The following ABR variants were observed in gnomAD, a reference collection of about 807,000 sequenced individuals.
ABR encodes the protein active breakpoint cluster region-related protein.
A neutral mutation model predicts 107.2 loss-of-function variants in ABR; 35 were observed. The observed-to-expected ratio is 0.33, with a 90% CI of 0.25 to 0.43. ABR has a LOEUF of 0.43. Ranked by LOEUF, ABR falls within the 20% of genes least tolerant of loss-of-function variation. The pLI is 1.00. For synonymous variants in ABR, 498 were observed against 462.0 expected (o/e 1.08, Z -1.00); for missense variants, 815 against 1,115.2 (o/e 0.73, Z 3.83).
At chr17:1,127,226 C>A (rs1026376588) in intron 1 of ABR, among the ~76,000 whole-genome samples, 3 of 151,286 alleles carry the variant, frequency 2.0e-5, no homozygotes, top group Non-Finnish European at 4.4e-5. Flanking sequence ...ACCACAGGAC[C>A]CAGGGATGCC....
At chr17:1,203,967 G>C (rs1328425929) in intron 1 of ABR, among the ~76,000 whole-genome samples, 1 of 152,174 alleles carries the variant, frequency 6.6e-6, no homozygotes, top group Non-Finnish European at 1.5e-5. Flanking sequence ...CCTCGGTGCC[G>C]GCTTCACGGG....
intron 1 of ABR, among the ~76,000 whole-genome samples, chr17:1,165,318 A>G (rs962256424): frequency 4.6e-5 from 7 of 152,234 alleles, no homozygotes; most frequent in Non-Finnish European, 1.0e-4. Flanking sequence ...CTCACAAGCC[A>G]GTGCTGGGGG....
chr17:1,065,245 G>T (rs2034577858), intron 10 of ABR, among the ~76,000 whole-genome samples: 1 of 11,174 alleles, frequency 8.9e-5, no homozygotes. Flanking sequence ...TGAACTGAGG[G>T]CTATGCATGT....
At chr17:1,107,447 G>A (rs1363936765) in intron 2 of ABR, among the ~76,000 whole-genome samples, 2 of 152,266 alleles carry the variant, frequency 1.3e-5, no homozygotes, top group Non-Finnish European at 2.9e-5. Flanking sequence ...AATTGCGGAG[G>A]CAAATGTCTA....
chr17:1,050,695 C>A lies in ABR; in HGVS notation c.1562-61G>T. 1 of 1,402,742 alleles carries A rather than the reference C, an allele frequency of 7.1e-7. No individual in the cohort carries two copies. The highest frequency in any genetic ancestry group is 1.0e-6 in the Non-Finnish European group (1 of 990,052). The allele number at this position is 1,402,742 out of a possible 1,614,324, so 86.9% of individuals were successfully genotyped here. A position where few individuals can be genotyped will look rare whatever the true frequency, so the allele number is the denominator to read the frequency against. ...TGGGGCCAGGGTGGGGCAGCTGGGG[C>A]GGCACTCAGGATGGAGGGGGACATC... On this transcript the variant is annotated intron_variant, in intron 14 of 22. Transcript: ENST00000302538. This position sits in a 1 kb window ranked among gnomAD's most constrained non-coding sequence, Gnocchi z 4.6.
At chr17:1,021,239 G>A (rs1447153757) in intron 16 of ABR, among the ~76,000 whole-genome samples, 1 of 152,182 alleles carries the variant, frequency 6.6e-6, no homozygotes, top group Non-Finnish European at 1.5e-5. Context: ...TGGACGACGG[G>A]AATCTGAAGA....
intron 2 of ABR, among the ~76,000 whole-genome samples, chr17:1,124,237 TG>T (rs1270180005): frequency 3.6e-5 from 4 of 110,878 alleles, no homozygotes; most frequent in Non-Finnish European, 5.9e-5. Context: ...TCAGCTGGGG[TG>T]GGGGGGCACT....
chr17:1,072,330 G>A (rs952546134), intron 8 of ABR, among the ~76,000 whole-genome samples: 5 of 152,184 alleles, frequency 3.3e-5, no homozygotes, highest in African/African-American at 1.2e-4. Context: ...TGGGGGATCA[G>A]GATTGGAGAG....
At chr17:1,038,175 A>G (rs144584471) in intron 16 of ABR, among the ~76,000 whole-genome samples, 3,876 of 152,242 alleles carry the variant, frequency 0.025, 63 homozygotes, top group Non-Finnish European at 0.039. Context: ...CCCCACAGGC[A>G]GAATCTGAGG....
Position 1,072,716 on chromosome 17 carries a change from G to A in ABR, c.792C>T (p.Tyr264=), listed in dbSNP as rs1292623932. The change falls in exon 8 of 23, where the codon TAC becomes TAT. Residue 264 remains tyrosine, a synonymous_variant. Coordinates refer to ENST00000302538, the MANE Select transcript of ABR (RefSeq NM_021962.5). The part of the protein sequence containing the change: ...LKHTPVDHPD[Y]PLLQDALRIS... ...TGCGGAGGGCATCCTGCAGCAGCGG[G>A]TAGTCGGGGTGGTCCACAGGTGTGT... The A allele has an allele frequency of 5.0e-6, 8 of 1,613,854 alleles. No homozygotes were observed. Among genetic ancestry groups the A allele is most frequent in the Non-Finnish European group, 6.8e-6 (8 of 1,179,920 alleles).
At chr17:1,192,347 G>C (rs2042453894) in intron 1 of ABR, among the ~76,000 whole-genome samples, 1 of 152,204 alleles carries the variant, frequency 6.6e-6, no homozygotes, top group Non-Finnish European at 1.5e-5. Flanking sequence ...CTTTTCCCAG[G>C]CTGCTTATGA....
At position 1,210,935 on chromosome 17, in the gene ABR, A is replaced by G. The variant is rs2042889247; in HGVS notation, c.838+17858T>C. On this transcript the variant is annotated intron_variant, in intron 1 of 22. Coordinates refer to the ABR transcript ENST00000574139. The surrounding 1 kb of genome is among the most constrained non-coding windows in gnomAD (Gnocchi z 5.6). ...ATCAAGCACTTGGCAAAGCCTGCCAAACTCTGGGGTGCTGGACTGGCTGCT... is the reference window on the plus strand; with the variant it reads ...ATCAAGCACTTGGCAAAGCCTGCCAGACTCTGGGGTGCTGGACTGGCTGCT... Among the ~76,000 whole-genome samples, 1 of 152,120 alleles carries G rather than the reference A, an allele frequency of 6.6e-6. No homozygotes were observed.
chr17:1,118,033 C>G (rs1237353903), intron 2 of ABR, among the ~76,000 whole-genome samples: 1 of 52,230 alleles, frequency 1.9e-5, no homozygotes, highest in East Asian at 3.7e-4. Flanking sequence ...AGCGTTATCG[C>G]TGAGCCTGAG....
upstream of ABR, among the ~76,000 whole-genome samples, chr17:1,181,571 G>T (rs900603649): frequency 6.6e-6 from 1 of 152,196 alleles, no homozygotes; most frequent in Admixed American, 6.5e-5. Context: ...GGCCAAGCAG[G>T]CACCTGGAGC....
At chr17:1,022,474 G>A (rs1427355638) in intron 16 of ABR, 1 of 153,838 alleles carries the variant, frequency 6.5e-6, no homozygotes, top group African/African-American at 2.4e-5. Flanking sequence ...GAGTTGCCAA[G>A]ACCCTGCCTC....
At chr17:1,212,716 T>TC (rs1391442725) in intron 1 of ABR, among the ~76,000 whole-genome samples, 1 of 152,128 alleles carries the variant, frequency 6.6e-6, no homozygotes, top group Non-Finnish European at 1.5e-5. Flanking sequence ...ATGGAAAAAC[T>TC]CCATCTTTAC....
chr17:1,062,200 G>A (rs2034045530), intron 10 of ABR, among the ~76,000 whole-genome samples: 1 of 151,778 alleles, frequency 6.6e-6, no homozygotes, highest in Admixed American at 6.6e-5. Flanking sequence ...CTGTTGTTAC[G>A]TGAACTGAGG....
Position 1,007,318 on chromosome 17 carries a change from AAGG to A in ABR, c.2343-9_2343-7del, listed in dbSNP as rs1567553312. The A allele has an allele frequency of 1.1e-5, 18 of 1,613,774 alleles. No homozygotes were observed. The highest frequency in any genetic ancestry group is 1.5e-5 in the Non-Finnish European group (18 of 1,179,914). On this transcript the variant is annotated splice_region_variant and splice_polypyrimidine_tract_variant and intron_variant, in intron 21 of 22. Transcript: ENST00000302538. ...TGGGCTCCTTCTCGGCAACCCTAAG[AAGG>A]AGAAGATGGGGAGGAAAGAAGCCCT... is the stretch of plus-strand genomic sequence containing the variant.
At chr17:1,140,047 G>A (rs1402726526) in intron 1 of ABR, among the ~76,000 whole-genome samples, 3 of 152,118 alleles carry the variant, frequency 2.0e-5, no homozygotes, top group East Asian at 1.9e-4. Flanking sequence ...TGGGAGCCAC[G>A]GATGCCAAAA....
Sources: gnomAD v4.1 joint callset for allele counts (sites outside exome capture counted in the v4.1 genomes callset) on GRCh38, gnomAD v4.1.1 for gene constraint, Gnocchi (gnomAD v3.1) non-coding constraint, MANE v1.5 for transcripts, NCBI Gene and HGNC (gene_info 2026-07-23, HGNC 2026-07-21) for gene names.